The following VPS13B variants were observed in gnomAD, a reference collection of about 807,000 sequenced individuals.
The protein encoded by VPS13B is intermembrane lipid transfer protein VPS13B.
VPS13B carries 285 observed loss-of-function variants against 426.4 expected under a neutral mutation model. That is an observed-to-expected ratio of 0.67 (90% CI 0.61 to 0.74). VPS13B has a LOEUF of 0.74. VPS13B is among the 30% of genes least tolerant of loss of function. The probability of loss-of-function intolerance (pLI) is 0.00; values close to 1 mark genes in which losing one functional copy is unlikely to be tolerated. For missense variants in VPS13B, 4,537 were observed against 4,782.6 expected (o/e 0.95, Z 1.51); for synonymous variants, 1,676 against 1,676.4 (o/e 1.00, Z 0.01).
At chr8:99,655,983 C>T (rs2167102) in intron 34 of VPS13B, among the ~76,000 whole-genome samples, 20,921 of 152,108 alleles carry the variant, frequency 0.14, 1,989 homozygotes, top group East Asian at 0.39. Flanking sequence ...GAAGAGCAAA[C>T]CTACAAACAA....
intron 3 of VPS13B, among the ~76,000 whole-genome samples, chr8:99,089,594 T>G (rs1588022787): frequency 6.6e-6 from 1 of 152,278 alleles, no homozygotes; most frequent in Non-Finnish European, 1.5e-5. Context: ...AGAATTTATC[T>G]AAAGACCTGG....
intron 19 of VPS13B, among the ~76,000 whole-genome samples, chr8:99,339,906 A>T (rs1811143440): frequency 6.6e-6 from 1 of 152,228 alleles, no homozygotes; most frequent in Non-Finnish European, 1.5e-5. Flanking sequence ...TAGAATAAAA[A>T]TAGCTTGCAA....
Position 99,135,041 on chromosome 8 carries a change from T to A in VPS13B, c.1329T>A (p.Phe443Leu), listed in dbSNP as rs1810003442. The A allele has an allele frequency of 5.0e-6, 8 of 1,613,596 alleles. No homozygotes were observed. The highest frequency in any genetic ancestry group is 6.8e-6 in the Non-Finnish European group (8 of 1,179,608). ...VEALMMGEPF[F>L]DCQIGFVGCR... ...CCCTTATGATGGGAGAACCTTTCTTTGATTGCCAGATTGGGTTTGTTGGTT... is the reference window on the plus strand; with the variant it reads ...CCCTTATGATGGGAGAACCTTTCTTAGATTGCCAGATTGGGTTTGTTGGTT... Residue 443 changes from phenylalanine to leucine, a missense_variant, in exon 10 of 62, where the codon TTT becomes TTA. Phe to Leu is a conservative substitution (Grantham distance 22). This residue lies in a region of VPS13B where 4,311 missense variants were observed against 4,474.3 expected (regional missense o/e 0.96). Coordinates refer to ENST00000357162, the MANE Select transcript of VPS13B (RefSeq NM_152564.5).
chr8:99,520,497 A>G (rs1006861669), intron 29 of VPS13B, among the ~76,000 whole-genome samples: 4 of 151,862 alleles, frequency 2.6e-5, no homozygotes, highest in Non-Finnish European at 4.4e-5. Context: ...ACTTTGTAAT[A>G]TCCTTCAATA....
At chr8:99,846,670 G>C (rs1439801930) in intron 54 of VPS13B, among the ~76,000 whole-genome samples, 1 of 152,198 alleles carries the variant, frequency 6.6e-6, no homozygotes, top group African/African-American at 2.4e-5. Context: ...TTTCCCTCCA[G>C]AGTCTAGGTT....
intron 33 of VPS13B, among the ~76,000 whole-genome samples, chr8:99,580,703 T>G (rs1267848546): frequency 6.6e-6 from 1 of 150,978 alleles, no homozygotes. Context: ...AAATTAAAAA[T>G]TAGTTGCATG....
intron 4 of VPS13B, among the ~76,000 whole-genome samples, chr8:99,096,754 TCA>T (rs1491284023): frequency 3.9e-5 from 2 of 51,782 alleles, no homozygotes; most frequent in African/African-American, 8.3e-5. Context: ...ATACTCTGTC[TCA>T]AAAAAAAAAA....
chr8:99,166,575 C>T (rs1282158411), intron 15 of VPS13B, among the ~76,000 whole-genome samples: 31 of 152,064 alleles, frequency 2.0e-4, no homozygotes, highest in Admixed American at 1.7e-3. Context: ...CTGAAAGAAA[C>T]GAAGATATAC....
intron 19 of VPS13B, among the ~76,000 whole-genome samples, chr8:99,312,430 C>G (rs931580713): frequency 2.6e-5 from 4 of 152,150 alleles, no homozygotes; most frequent in African/African-American, 9.7e-5. Flanking sequence ...ACTTATCAAG[C>G]TTAGTTTGGC....
rs368439781 is a variant in VPS13B, at chr8:99,384,324, G to T, written c.2934+7G>T. The T allele has an allele frequency of 7.5e-6, 12 of 1,605,356 alleles. No homozygotes were observed. Among genetic ancestry groups the T allele is most frequent in the African/African-American group, 1.3e-5 (1 of 74,678 alleles). ...AAGTAGACATATGCAACAGGTAAGA[G>T]ATTTTTAAATAATTTTTTCTGTTAA... On this transcript the variant is annotated splice_region_variant and intron_variant, in intron 20 of 61. Transcript: ENST00000357162.
At chr8:99,575,901 T>A (rs913503266) in intron 32 of VPS13B, 117 bp downstream of exon 32, 1 of 1,001,544 alleles carries the variant, frequency 1.0e-6, no homozygotes, top group African/African-American at 1.6e-5. Context: ...TTAATAATAA[T>A]GGCTACTATC....
Position 99,696,841 on chromosome 8 carries a change from G to A in VPS13B, c.6047-2684G>A, listed in dbSNP as rs73271355. On this transcript the variant is annotated intron_variant, in intron 35 of 61. Coordinates refer to ENST00000357162, the MANE Select transcript of VPS13B (RefSeq NM_152564.5). ...TGTCACGGCCGCAGCTGGTGGCGCC[G>A]TGCAAGCTGCTGGAGCTGCAGTCCA... is the stretch of plus-strand genomic sequence containing the variant. 1,548 of 1,062,682 alleles carry A rather than the reference G, an allele frequency of 1.5e-3. 12 individuals are homozygous for A. In the African/African-American group the frequency reaches 0.021, roughly 15 times the overall value. 65.8% of individuals were successfully genotyped at this position (1,062,682 alleles called of 1,614,324 possible). A position where few individuals can be genotyped will look rare whatever the true frequency, so the allele number is the denominator to read the frequency against.
At chr8:99,062,717 C>CTT (rs1563515185) in intron 3 of VPS13B, among the ~76,000 whole-genome samples, 1 of 152,174 alleles carries the variant, frequency 6.6e-6, no homozygotes, top group Non-Finnish European at 1.5e-5. Flanking sequence ...ATCCACCCGC[C>CTT]TTGTGGATCC....
In VPS13B at chr8:99,688,774, T is replaced by C. The variant is rs552511868; in HGVS notation, c.6047-10751T>C. Among the ~76,000 whole-genome samples, 194 of 152,048 alleles carry C rather than the reference T, an allele frequency of 1.3e-3. 1 individual carries two copies. Among genetic ancestry groups the C allele is most frequent in the Non-Finnish European group, 1.9e-3 (127 of 68,042 alleles). ...TTAATAGAAAAGCCATACAAATGTA[T>C]GTAATGTATATACATGGGAGCCTTC... On this transcript the variant is annotated intron_variant, in intron 35 of 61. Coordinates refer to ENST00000357162, the MANE Select transcript of VPS13B (RefSeq NM_152564.5).
At chr8:99,130,388 C>CTT (rs539820640) in intron 8 of VPS13B, among the ~76,000 whole-genome samples, 53 of 135,120 alleles carry the variant, frequency 3.9e-4, no homozygotes, top group African/African-American at 1.1e-3. Flanking sequence ...TGTTCGGGTC[C>CTT]TTTTTTTTTT....
chr8:99,766,408 T>A (rs1811228717), intron 39 of VPS13B, among the ~76,000 whole-genome samples: 2 of 152,146 alleles, frequency 1.3e-5, no homozygotes, highest in East Asian at 1.9e-4. Context: ...ATAGTAAGAT[T>A]TTGTCTGTAC....
intron 39 of VPS13B, among the ~76,000 whole-genome samples, chr8:99,742,949 C>A (rs1809834679): frequency 6.6e-6 from 1 of 152,202 alleles, no homozygotes; most frequent in Middle Eastern, 3.4e-3. Flanking sequence ...CACTCCTATT[C>A]AACATAATGT....
At chr8:99,013,715 T>TGAG in intron 1 of VPS13B, 45 bp from the exon 2 acceptor site, 14 of 1,591,418 alleles carry the variant, frequency 8.8e-6, no homozygotes, top group Non-Finnish European at 1.2e-5. Context: ...CGCTCTTTCC[T>TGAG]TCACTCTACC....
At chr8:99,591,823 A>G (rs2133840255) in intron 33 of VPS13B, among the ~76,000 whole-genome samples, 2 of 151,852 alleles carry the variant, frequency 1.3e-5, no homozygotes, top group Middle Eastern at 6.8e-3. Flanking sequence ...TCTCACAATT[A>G]TGTTTCTTGG....
Sources: allele counts gnomAD v4.1 joint callset (sites outside exome capture counted in the v4.1 genomes callset), GRCh38; gene constraint gnomAD v4.1.1; regional missense constraint gnomAD v4.1.1; transcripts MANE v1.5; gene names NCBI Gene and HGNC (gene_info 2026-07-23, HGNC 2026-07-21).